The following LRRC1 variants were observed in gnomAD, a reference collection of about 807,000 sequenced individuals.
LRRC1 encodes the protein leucine rich repeat containing 1, also known as leucine-rich repeat-containing protein 1.
In LRRC1, 28 loss-of-function variants were observed where a neutral mutation model predicts 69.9. The observed-to-expected ratio is 0.40, with a 90% CI of 0.30 to 0.55. LRRC1 has a LOEUF of 0.55. Ranked by LOEUF, LRRC1 falls within the 20% of genes least tolerant of loss-of-function variation. The pLI is 0.47. For synonymous variants in LRRC1, 236 were observed against 240.2 expected, an observed-to-expected ratio of 0.98 and a Z score of 0.16; for missense variants, 498 against 609.0, an observed-to-expected ratio of 0.82 and a Z score of 1.92.
chr6:53,818,489 G>A (rs928156087), intron 1 of LRRC1, among the ~76,000 whole-genome samples: 3 of 152,192 alleles, frequency 2.0e-5, no homozygotes, highest in African/African-American at 7.2e-5. Flanking sequence ...TATGGCTGTG[G>A]TGCAGTCCTT....
intron 1 of LRRC1, among the ~76,000 whole-genome samples, chr6:53,820,387 C>G (rs1765083727): frequency 6.7e-6 from 1 of 148,220 alleles, no homozygotes; most frequent in Non-Finnish European, 1.5e-5. Context: ...TAAGGTAAGT[C>G]AATGTGTGTA....
At chr6:53,806,361 C>A (rs1222093692) in intron 1 of LRRC1, among the ~76,000 whole-genome samples, 1 of 152,078 alleles carries the variant, frequency 6.6e-6, no homozygotes, top group African/African-American at 2.4e-5. Context: ...TGGCTTTGAA[C>A]CAGACCTGTG....
At chr6:53,900,561 T>C (rs1274713133) in intron 8 of LRRC1, among the ~76,000 whole-genome samples, 1 of 152,208 alleles carries the variant, frequency 6.6e-6, no homozygotes, top group Non-Finnish European at 1.5e-5. Flanking sequence ...ACTAAGAAAT[T>C]TCTAATTTGG....
At chr6:53,875,431 A>G (rs935565538) in intron 2 of LRRC1, among the ~76,000 whole-genome samples, 1 of 152,116 alleles carries the variant, frequency 6.6e-6, no homozygotes, top group African/African-American at 2.4e-5. Flanking sequence ...AATATAATCT[A>G]TTTATACACA....
intron 1 of LRRC1, among the ~76,000 whole-genome samples, chr6:53,831,310 G>A (rs1204788019): frequency 1.3e-5 from 2 of 152,094 alleles, no homozygotes; most frequent in African/African-American, 4.8e-5. Context: ...TATTTAAATT[G>A]TTTGGAATCC....
chr6:53,908,463 A>G (rs191223517), intron 10 of LRRC1, among the ~76,000 whole-genome samples: 81 of 152,286 alleles, frequency 5.3e-4, no homozygotes, highest in Non-Finnish European at 8.5e-4. Context: ...CCTTCTTATT[A>G]TTGCAATTCA....
At chr6:53,865,949 T>A (rs1389241163) in intron 2 of LRRC1, among the ~76,000 whole-genome samples, 1 of 152,070 alleles carries the variant, frequency 6.6e-6, no homozygotes, top group Non-Finnish European at 1.5e-5. Flanking sequence ...TTCGACCTCC[T>A]GACATTGTGA....
At chr6:53,880,018 A>G (rs764049841) in intron 3 of LRRC1, among the ~76,000 whole-genome samples, 3 of 152,050 alleles carry the variant, frequency 2.0e-5, no homozygotes, top group Non-Finnish European at 2.9e-5. Context: ...GAAGAAATGC[A>G]CTCTTCCCTT....
Position 53,842,202 on chromosome 6 carries a change from G to A in LRRC1, c.252G>A (p.Leu84=). ...LPPEIANFMQ[L]VELDVSRNEI... is the part of the protein sequence containing the mutation. ...CAGAAATAGCAAACTTCATGCAGCT[G>A]GTGGAACTAGATGTGTCTCGAAATG... Residue 84 remains leucine (L), a synonymous_variant, in exon 2 of 14, where the codon CTG becomes CTA. Coordinates refer to ENST00000370888, the MANE Select transcript of LRRC1 (RefSeq NM_018214.5). 4 of 1,613,600 alleles carry A rather than the reference G, an allele frequency of 2.5e-6. No individual in the cohort carries two copies. Among genetic ancestry groups the A allele is most frequent in the Non-Finnish European group, 8.5e-7 (1 of 1,179,534 alleles).
chr6:53,892,001 TATA>T (rs1383073498), intron 4 of LRRC1, among the ~76,000 whole-genome samples: 1 of 91,524 alleles, frequency 1.1e-5, no homozygotes, highest in Admixed American at 1.3e-4. Flanking sequence ...AAAAAAAAAA[TATA>T]TATATATACA....
At chr6:53,848,261 A>T (rs936389614) in intron 2 of LRRC1, among the ~76,000 whole-genome samples, 9 of 152,236 alleles carry the variant, frequency 5.9e-5, no homozygotes, top group Non-Finnish European at 1.2e-4. Flanking sequence ...TCTCTGCCTT[A>T]ACCTTTACCT....
At chr6:53,881,885 A>G (rs973420655) in intron 3 of LRRC1, among the ~76,000 whole-genome samples, 1 of 152,232 alleles carries the variant, frequency 6.6e-6, no homozygotes, top group African/African-American at 2.4e-5. Context: ...AACCATAGAA[A>G]TATTGAAACT....
At chr6:53,912,656 T>C (rs1051301208) in intron 10 of LRRC1, among the ~76,000 whole-genome samples, 7 of 152,202 alleles carry the variant, frequency 4.6e-5, no homozygotes, top group Non-Finnish European at 1.0e-4. Context: ...AAAAAGATTA[T>C]GTATGAAAGT....
intron 2 of LRRC1, among the ~76,000 whole-genome samples, chr6:53,860,047 G>T (rs192886330): frequency 2.0e-5 from 3 of 152,310 alleles, no homozygotes; most frequent in Admixed American, 6.5e-5. Context: ...TTGGATGACA[G>T]TGCCTATGAG....
chr6:53,916,746 T>C (rs747311171), intron 11 of LRRC1, among the ~76,000 whole-genome samples: 5 of 152,306 alleles, frequency 3.3e-5, no homozygotes, highest in Middle Eastern at 3.4e-3. Flanking sequence ...TGAAACTACA[T>C]TGTAAGGCGT....
intron 2 of LRRC1, among the ~76,000 whole-genome samples, chr6:53,855,617 G>A (rs1169761299): frequency 6.6e-6 from 1 of 152,176 alleles, no homozygotes; most frequent in Non-Finnish European, 1.5e-5. Flanking sequence ...GTATTGTGGT[G>A]TGCCTGTTTA....
chr6:53,840,009 T>A (rs1765722335), intron 1 of LRRC1, among the ~76,000 whole-genome samples: 1 of 151,882 alleles, frequency 6.6e-6, no homozygotes, highest in Non-Finnish European at 1.5e-5. Context: ...TGGGTTGCTC[T>A]TGGGGCCTGA....
chr6:53,899,926 T>G, intron 8 of LRRC1, 35 bp downstream of exon 8: 5 of 1,586,632 alleles, frequency 3.2e-6, no homozygotes, highest in Non-Finnish European at 4.3e-6. Context: ...CTAAACATAC[T>G]GCCTGCCGTC....
chr6:53,887,596 C>T (rs1767530638), intron 4 of LRRC1, among the ~76,000 whole-genome samples: 1 of 151,850 alleles, frequency 6.6e-6, no homozygotes, highest in Non-Finnish European at 1.5e-5. Flanking sequence ...AGTGATCTGC[C>T]CAGGTGTGCA....
Sources: allele counts gnomAD v4.1 joint callset (sites outside exome capture counted in the v4.1 genomes callset), GRCh38; gene constraint gnomAD v4.1.1; transcripts MANE v1.5; gene names NCBI Gene and HGNC (gene_info 2026-07-23, HGNC 2026-07-21).